The following GPR139 variants were observed in gnomAD, a reference collection of about 807,000 sequenced individuals.
GPR139 encodes the protein probable G protein-coupled receptor 139.
GPR139 carries 12 observed loss-of-function variants against 25.8 expected under a neutral mutation model. The ratio of observed to expected loss-of-function variants is 0.47; its 90% CI spans 0.30 to 0.75. GPR139 has a LOEUF of 0.75. Among genes scored for constraint, GPR139 ranks in the 30% least tolerant of loss-of-function variants. The pLI is 0.07. For missense variants in GPR139, 380 were observed against 450.2 expected (o/e 0.84, Z 1.41); for synonymous variants, 184 against 179.9 (o/e 1.02, Z -0.18).
At chr16:20,069,882 A>G (rs1221544716) in intron 1 of GPR139, among the ~76,000 whole-genome samples, 3 of 152,026 alleles carry the variant, frequency 2.0e-5, no homozygotes, top group Non-Finnish European at 4.4e-5. Context: ...AGTGTCCCAA[A>G]TCCTTGCTTT....
At chr16:20,040,541 A>G (rs1280177391) in intron 1 of GPR139, among the ~76,000 whole-genome samples, 1 of 152,190 alleles carries the variant, frequency 6.6e-6, no homozygotes, top group Non-Finnish European at 1.5e-5. Context: ...GTTACTTATT[A>G]TGACTATTTT....
At chr16:20,049,880 C>G (rs1167945013) in intron 1 of GPR139, among the ~76,000 whole-genome samples, 2 of 152,194 alleles carry the variant, frequency 1.3e-5, no homozygotes, top group African/African-American at 4.8e-5. Context: ...TGGTGATGCT[C>G]AAATGTTATT....
intron 1 of GPR139, among the ~76,000 whole-genome samples, chr16:20,047,596 A>G (rs2057358723): frequency 6.6e-6 from 1 of 152,226 alleles, no homozygotes; most frequent in African/African-American, 2.4e-5. Flanking sequence ...GAACTAGTCT[A>G]TATCAAGGTT....
chr16:20,036,868 G>T (rs1054398997), intron 1 of GPR139, among the ~76,000 whole-genome samples: 3 of 152,180 alleles, frequency 2.0e-5, no homozygotes, highest in Non-Finnish European at 4.4e-5. Flanking sequence ...GTGTGGAATG[G>T]ATGGTAGCTA....
At chr16:20,058,910 C>T (rs2057400865) in intron 1 of GPR139, among the ~76,000 whole-genome samples, 1 of 152,182 alleles carries the variant, frequency 6.6e-6, no homozygotes, top group African/African-American at 2.4e-5. Context: ...CACTGTGCCG[C>T]GGGCGCTTCC....
At chr16:20,051,263 A>G (rs1197600872) in intron 1 of GPR139, among the ~76,000 whole-genome samples, 1 of 152,178 alleles carries the variant, frequency 6.6e-6, no homozygotes, top group East Asian at 1.9e-4. Flanking sequence ...GACAGCAGAA[A>G]TGCTGAGAGG....
At chr16:20,057,169 T>C (rs1024327527) in intron 1 of GPR139, among the ~76,000 whole-genome samples, 12 of 152,166 alleles carry the variant, frequency 7.9e-5, no homozygotes, top group Non-Finnish European at 1.5e-5. Flanking sequence ...GCACAGAACA[T>C]AAGCAGTGAC....
chr16:20,032,330 C>T lies in GPR139; in HGVS notation c.467G>A (p.Cys156Tyr). The change falls in exon 2 of 2, where the codon TGC becomes TAC. Residue 156 changes from cysteine (C) to tyrosine (Y), a missense_variant. Cys to Tyr is a radical substitution (Grantham distance 194). Transcript: ENST00000570682. ...RKVIVSVYIT[C>Y]FLTSIPYYWW... Reference sequence around the variant, plus strand: ...GTAATAGGGGATGCTGGTCAGGAAGCAGGTGATGTAAACACTTACAATGAC... The same window carrying T: ...GTAATAGGGGATGCTGGTCAGGAAGTAGGTGATGTAAACACTTACAATGAC... The T allele has an allele frequency of 1.2e-6, 2 of 1,614,200 alleles. No homozygotes were observed. Among genetic ancestry groups the T allele is most frequent in the Non-Finnish European group, 8.5e-7 (1 of 1,180,030 alleles).
intron 1 of GPR139, among the ~76,000 whole-genome samples, chr16:20,066,666 G>A (rs969544290): frequency 1.3e-5 from 2 of 152,218 alleles, no homozygotes; most frequent in Non-Finnish European, 2.9e-5. Context: ...CAATGTGTGA[G>A]GCACTGTGAG....
chr16:20,059,493 C>T (rs1399933749), intron 1 of GPR139, among the ~76,000 whole-genome samples: 1 of 152,176 alleles, frequency 6.6e-6, no homozygotes, highest in Non-Finnish European at 1.5e-5. Context: ...TTATTTAGGT[C>T]TCTGCTCAAA....
chr16:20,060,922 G>C (rs1312607824), intron 1 of GPR139, among the ~76,000 whole-genome samples: 1 of 152,058 alleles, frequency 6.6e-6, no homozygotes, highest in Non-Finnish European at 1.5e-5. Flanking sequence ...CTTCTTGAGG[G>C]GAGCTTTCCT....
Position 20,031,220 on chromosome 16 carries a change from A to G in GPR139, c.*515T>C, listed in dbSNP as rs2057286487. ...GGAGTGCCAGAGCCAATTCAAGACC[A>G]CAACCCTCTCTAGGACAAAGGGCAC... is the stretch of plus-strand genomic sequence containing the variant. On this transcript the variant is annotated 3_prime_UTR_variant, in exon 2 of 2. Transcript: ENST00000570682. Among the ~76,000 whole-genome samples the G allele has an allele frequency of 6.6e-6, 1 of 152,116 alleles. No homozygotes were observed. Among genetic ancestry groups the G allele is most frequent in the Non-Finnish European group, 1.5e-5 (1 of 68,028 alleles).
intron 1 of GPR139, among the ~76,000 whole-genome samples, chr16:20,052,461 T>C (rs955695748): frequency 6.6e-5 from 10 of 152,186 alleles, no homozygotes; most frequent in African/African-American, 2.4e-4. Context: ...TGAGACACGA[T>C]TCTATAACTT....
At chr16:20,057,119 G>A (rs1027675711) in intron 1 of GPR139, among the ~76,000 whole-genome samples, 1 of 152,160 alleles carries the variant, frequency 6.6e-6, no homozygotes, top group Non-Finnish European at 1.5e-5. Flanking sequence ...TTCTTGTCCT[G>A]TGCCCTGAAT....
intron 1 of GPR139, among the ~76,000 whole-genome samples, chr16:20,060,631 C>A (rs1267307937): frequency 6.6e-6 from 1 of 152,170 alleles, no homozygotes; most frequent in East Asian, 1.9e-4. Context: ...GAAAAGAAGT[C>A]ATTAGTGGAC....
At chr16:20,053,665 A>G (rs72772741) in intron 1 of GPR139, among the ~76,000 whole-genome samples, 11,832 of 152,300 alleles carry the variant, frequency 0.078, 558 homozygotes, top group Non-Finnish European at 0.11. Context: ...TGCAGAGTGG[A>G]TAAGCATTAG....
chr16:20,055,171 AG>A (rs775657047), intron 1 of GPR139, among the ~76,000 whole-genome samples: 1 of 152,166 alleles, frequency 6.6e-6, no homozygotes, highest in Non-Finnish European at 1.5e-5. Context: ...CTCATAATTT[AG>A]CTTCCACTTA....
At chr16:20,055,674 A>G (rs921781084) in intron 1 of GPR139, among the ~76,000 whole-genome samples, 1 of 152,248 alleles carries the variant, frequency 6.6e-6, no homozygotes, top group Non-Finnish European at 1.5e-5. Flanking sequence ...TCCACCCCAC[A>G]TCTCCATTTC....
At chr16:20,070,234 C>T (rs562962699) in intron 1 of GPR139, among the ~76,000 whole-genome samples, 7 of 152,220 alleles carry the variant, frequency 4.6e-5, no homozygotes, top group South Asian at 2.1e-4. Context: ...AGGTATAGGT[C>T]GCAGAGGTGT....
Sources: allele counts gnomAD v4.1 joint callset (sites outside exome capture counted in the v4.1 genomes callset), GRCh38; gene constraint gnomAD v4.1.1; transcripts MANE v1.5; gene names NCBI Gene and HGNC (gene_info 2026-07-23, HGNC 2026-07-21).